LRMDA: variants seen among roughly 807,000 people sequenced by gnomAD.
LRMDA encodes the protein leucine rich melanocyte differentiation associated.
LRMDA carries 18 observed loss-of-function variants against 29.8 expected under a neutral mutation model. The ratio of observed to expected loss-of-function variants is 0.60; its 90% CI spans 0.42 to 0.90. The LOEUF (loss-of-function observed/expected upper bound fraction) is 0.90, where lower values mean the gene tolerates loss of function less well. Among genes scored for constraint, LRMDA ranks in the 40% least tolerant of loss-of-function variants. The probability of loss-of-function intolerance (pLI) is 0.00; values close to 1 mark genes in which losing one functional copy is unlikely to be tolerated. For synonymous variants in LRMDA, 125 were observed against 109.4 expected, an observed-to-expected ratio of 1.14 and a Z score of -0.89; for missense variants, 273 against 273.9, an observed-to-expected ratio of 1.00 and a Z score of 0.02.
intron 2 of LRMDA, among the ~76,000 whole-genome samples, chr10:75,534,155 T>C (rs1354531661): frequency 1.3e-5 from 2 of 152,190 alleles, no homozygotes; most frequent in Non-Finnish European, 2.9e-5. Flanking sequence ...ACAGGGAATA[T>C]AATATATGAG....
At chr10:75,878,645 GGTGTAAAAACAGGA>G (rs1380239576) in intron 2 of LRMDA, among the ~76,000 whole-genome samples, 1 of 152,018 alleles carries the variant, frequency 6.6e-6, no homozygotes, top group Non-Finnish European at 1.5e-5. Flanking sequence ...GCAACATTTG[GGTGTAAAAACAGGA>G]GTGCCTGTTC....
At chr10:76,083,873 G>A (rs1276909632) in intron 5 of LRMDA, among the ~76,000 whole-genome samples, 1 of 151,728 alleles carries the variant, frequency 6.6e-6, no homozygotes, top group African/African-American at 2.4e-5. Flanking sequence ...CATCTTGTGG[G>A]GAAGAAGTTG....
rs998862312 is a variant in LRMDA, at chr10:75,467,452, C to T, written c.131+28958C>T. Among the ~76,000 whole-genome samples, 3 of 152,210 alleles carry T rather than the reference C, an allele frequency of 2.0e-5. 1 individual carries two copies. The highest frequency in any genetic ancestry group is 7.2e-5 in the African/African-American group (3 of 41,452). ...GGTGTTTGAGAAGAAGAAGACCTCG[C>T]CCTCTGTGCCTCTTATTTGCCCCTG... is the stretch of plus-strand genomic sequence containing the variant. On this transcript the variant is annotated intron_variant, in intron 2 of 6. Coordinates refer to ENST00000611255, the MANE Select transcript of LRMDA (RefSeq NM_001305581.2).
At chr10:76,251,548 G>A (rs548854124) in intron 5 of LRMDA, among the ~76,000 whole-genome samples, 65 of 151,304 alleles carry the variant, frequency 4.3e-4, no homozygotes, top group African/African-American at 1.5e-3. Context: ...CACCGCGCCC[G>A]GCCCTCCCGT....
chr10:76,146,780 T>C (rs1312029347), intron 5 of LRMDA, among the ~76,000 whole-genome samples: 2 of 152,222 alleles, frequency 1.3e-5, no homozygotes, highest in Non-Finnish European at 2.9e-5. Context: ...CTTCCTAGCC[T>C]TGATAGTCTT....
intron 2 of LRMDA, among the ~76,000 whole-genome samples, chr10:76,008,248 T>C (rs1444953763): frequency 1.3e-5 from 2 of 151,854 alleles, no homozygotes; most frequent in Admixed American, 6.6e-5. Context: ...AGTTTAGAAA[T>C]GGGGGAAAAG....
At chr10:76,277,001 G>A (rs574861139) in intron 5 of LRMDA, among the ~76,000 whole-genome samples, 3 of 152,010 alleles carry the variant, frequency 2.0e-5, no homozygotes, top group Non-Finnish European at 2.9e-5. Context: ...GATATGTCCC[G>A]CACATCCAAA....
intron 6 of LRMDA, among the ~76,000 whole-genome samples, chr10:76,549,942 T>G (rs1448095866): frequency 1.3e-5 from 2 of 152,208 alleles, no homozygotes; most frequent in Admixed American, 6.5e-5. Flanking sequence ...GACTCAAGTC[T>G]TCTTGTCGCA....
chr10:76,065,685 A>C (rs1401994460), intron 5 of LRMDA, among the ~76,000 whole-genome samples: 1 of 152,260 alleles, frequency 6.6e-6, no homozygotes, highest in Non-Finnish European at 1.5e-5. Flanking sequence ...CAACCCAACA[A>C]CTGGGAGAAG....
intron 2 of LRMDA, among the ~76,000 whole-genome samples, chr10:75,466,021 G>A (rs1412712835): frequency 5.3e-5 from 8 of 152,220 alleles, no homozygotes; most frequent in Non-Finnish European, 1.5e-5. Context: ...CATCCATGGG[G>A]CTACAGAATT....
At chr10:76,527,961 A>G (rs569612515) in intron 6 of LRMDA, among the ~76,000 whole-genome samples, 2 of 152,324 alleles carry the variant, frequency 1.3e-5, no homozygotes, top group East Asian at 3.9e-4. Context: ...AATGAACACC[A>G]TGAGCAATAT....
chr10:76,166,762 T>C (rs1249499139), intron 5 of LRMDA, among the ~76,000 whole-genome samples: 2 of 152,212 alleles, frequency 1.3e-5, no homozygotes, highest in African/African-American at 4.8e-5. Flanking sequence ...CTATTGTGAA[T>C]AGTGCTGCAG....
At chr10:76,049,926 C>T (rs746281155) in intron 4 of LRMDA, among the ~76,000 whole-genome samples, 3 of 152,124 alleles carry the variant, frequency 2.0e-5, no homozygotes, top group Non-Finnish European at 4.4e-5. Context: ...TACTGTTTTT[C>T]ACTTTAAGTA....
chr10:75,965,821 G>A (rs1440688997), intron 2 of LRMDA, among the ~76,000 whole-genome samples: 1 of 152,208 alleles, frequency 6.6e-6, no homozygotes, highest in East Asian at 1.9e-4. Context: ...GTTTGTGGCT[G>A]TTGTACCTGA....
Position 76,417,959 on chromosome 10 carries a change from A to G in LRMDA, c.601+93474A>G, listed in dbSNP as rs1250943340. Among the ~76,000 whole-genome samples the G allele has an allele frequency of 2.6e-5, 4 of 152,238 alleles. No individual in the cohort carries two copies. The East Asian group carries it at 7.7e-4, about 29-fold the overall frequency. Reference sequence around the variant, plus strand: ...TTTTTCATAAATCAATTGTCTTCATATATGTGAAGTTGTCTTGGACTCTCT... The same window carrying G: ...TTTTTCATAAATCAATTGTCTTCATGTATGTGAAGTTGTCTTGGACTCTCT... On this transcript the variant is annotated intron_variant, in intron 6 of 6. Coordinates refer to ENST00000611255, the MANE Select transcript of LRMDA (RefSeq NM_001305581.2).
At chr10:76,211,467 C>T (rs750974131) in intron 5 of LRMDA, among the ~76,000 whole-genome samples, 1 of 152,342 alleles carries the variant, frequency 6.6e-6, no homozygotes, top group Admixed American at 6.5e-5. Flanking sequence ...TACTACACAT[C>T]CAATAGCATT....
chr10:75,778,276 C>A (rs1222530366), intron 2 of LRMDA, among the ~76,000 whole-genome samples: 1 of 152,124 alleles, frequency 6.6e-6, no homozygotes, highest in Non-Finnish European at 1.5e-5. Flanking sequence ...CGGGGTTCCA[C>A]CATGTTGGCC....
At chr10:75,620,889 C>T (rs1841172701) in intron 2 of LRMDA, among the ~76,000 whole-genome samples, 1 of 152,122 alleles carries the variant, frequency 6.6e-6, no homozygotes, top group Non-Finnish European at 1.5e-5. Context: ...TGTTTTGTTA[C>T]ATGAATAAGT....
chr10:75,981,322 GC>G (rs1296545570), intron 2 of LRMDA, among the ~76,000 whole-genome samples: 1 of 152,158 alleles, frequency 6.6e-6, no homozygotes, highest in Admixed American at 6.5e-5. Context: ...TCTACTCTCT[GC>G]CAGGTGCCAT....
Sources: gnomAD v4.1 joint callset for allele counts (sites outside exome capture counted in the v4.1 genomes callset) on GRCh38, gnomAD v4.1.1 for gene constraint, MANE v1.5 for transcripts, NCBI Gene and HGNC (gene_info 2026-07-23, HGNC 2026-07-21) for gene names.